The following FAAH2 variants were observed in gnomAD, a reference collection of about 807,000 sequenced individuals.
FAAH2 encodes fatty-acid amide hydrolase 2.
In FAAH2, 60 loss-of-function variants were observed where a neutral mutation model predicts 36.9. The ratio of observed to expected loss-of-function variants is 1.63; its 90% CI spans 1.32 to 2.02. The LOEUF (loss-of-function observed/expected upper bound fraction) is 2.02. FAAH2 is among the 30% of genes most tolerant of loss of function. FAAH2 has a pLI of 0.00. For synonymous variants in FAAH2, 214 were observed against 143.8 expected (o/e 1.49, Z -3.49); for missense variants, 689 against 397.5 (o/e 1.73, Z -6.23).
chrX:57,258,630 A>G, the FAAH2 span, among the ~76,000 whole-genome samples: 1 of 111,134 alleles, frequency 9.0e-6, no homozygotes, highest in Non-Finnish European at 1.9e-5. Flanking sequence ...TTTAAAAATG[A>G]CCAAAAAACC....
At chrX:57,395,467 G>A in intron 7 of FAAH2, 2 of 502,341 alleles carry the variant, frequency 4.0e-6, no homozygotes, top group Non-Finnish European at 3.4e-6. Flanking sequence ...TCAGTTCTTA[G>A]GAGGAATGCT....
intron 5 of FAAH2, among the ~76,000 whole-genome samples, chrX:57,373,796 A>T (rs2147188692): frequency 9.0e-6 from 1 of 111,454 alleles, no homozygotes; most frequent in South Asian, 3.7e-4. Flanking sequence ...TCATTGCTTC[A>T]GCCAATGTCT....
At chrX:57,335,495 G>A (rs1219244542) in intron 4 of FAAH2, among the ~76,000 whole-genome samples, 1 of 112,686 alleles carries the variant, frequency 8.9e-6, no homozygotes, top group African/African-American at 3.2e-5. Context: ...ACATCTCAAC[G>A]CCTTAAAGAG....
chrX:57,478,964 A>G (rs374377550), intron 10 of FAAH2, among the ~76,000 whole-genome samples: 1 of 111,418 alleles, frequency 9.0e-6, no homozygotes, highest in African/African-American at 3.3e-5. Context: ...TTGACTTGGC[A>G]ATGTGGGCTC....
chrX:57,470,131 C>T (rs1046771635), intron 10 of FAAH2, among the ~76,000 whole-genome samples: 4 of 111,088 alleles, frequency 3.6e-5, no homozygotes, highest in Non-Finnish European at 5.7e-5. Flanking sequence ...GCACTAAATG[C>T]CCACAAGAGA....
chrX:57,473,128 T>C (rs1175526681), intron 10 of FAAH2, among the ~76,000 whole-genome samples: 1 of 111,478 alleles, frequency 9.0e-6, no homozygotes, highest in Non-Finnish European at 1.9e-5. Context: ...ATTAGTTTGT[T>C]AATTTTAGAG....
chrX:57,325,541 T>C (rs1053908305), intron 3 of FAAH2, among the ~76,000 whole-genome samples: 1 of 110,240 alleles, frequency 9.1e-6, no homozygotes, highest in African/African-American at 3.3e-5. Flanking sequence ...TATTCAGAGA[T>C]TGAACTTCTT....
chrX:57,234,806 G>T, the FAAH2 span, among the ~76,000 whole-genome samples: 1 of 111,863 alleles, frequency 8.9e-6, no homozygotes, highest in Non-Finnish European at 1.9e-5. Context: ...CCAGCATTTG[G>T]GAGGCTGAGG....
At chrX:57,128,992 A>G in the FAAH2 span, among the ~76,000 whole-genome samples, 1 of 112,349 alleles carries the variant, frequency 8.9e-6, no homozygotes, top group South Asian at 3.7e-4. Context: ...ATGAGAAGCA[A>G]CCAGTTATGA....
chrX:57,356,825 A>G (rs1464869198), intron 5 of FAAH2, among the ~76,000 whole-genome samples: 1 of 110,871 alleles, frequency 9.0e-6, no homozygotes, highest in African/African-American at 3.3e-5. Flanking sequence ...GTTCTGGGAT[A>G]CATGTGGAGA....
At chrX:57,454,718 C>A (rs1321774146) in intron 10 of FAAH2, among the ~76,000 whole-genome samples, 1 of 111,228 alleles carries the variant, frequency 9.0e-6, no homozygotes, top group Non-Finnish European at 1.9e-5. Context: ...AGCTGGAAGA[C>A]CAGCTTATAC....
the FAAH2 span, among the ~76,000 whole-genome samples, chrX:57,161,829 G>T: frequency 8.9e-6 from 1 of 111,740 alleles, no homozygotes; most frequent in African/African-American, 3.3e-5. Flanking sequence ...GCCAGTCTGT[G>T]TCTTTTAAAT....
At chrX:57,238,569 A>G in the FAAH2 span, among the ~76,000 whole-genome samples, 4 of 111,323 alleles carry the variant, frequency 3.6e-5, no homozygotes, top group East Asian at 1.1e-3. Context: ...TTGTAAAACA[A>G]ACCCCCATGA....
the FAAH2 span, among the ~76,000 whole-genome samples, chrX:57,161,918 T>G: frequency 8.9e-6 from 1 of 111,833 alleles, no homozygotes; most frequent in South Asian, 3.7e-4. Context: ...GTTAGCTGGT[T>G]ATTTTGCTCA....
At chrX:57,293,426 CTTT>C (rs1221314456) in intron 2 of FAAH2, among the ~76,000 whole-genome samples, 2 of 111,709 alleles carry the variant, frequency 1.8e-5, no homozygotes, top group African/African-American at 6.5e-5. Flanking sequence ...ATAATAGATA[CTTT>C]ATACATGTTT....
At chrX:57,231,077 G>A in the FAAH2 span, among the ~76,000 whole-genome samples, 60 of 109,866 alleles carry the variant, frequency 5.5e-4, no homozygotes, top group African/African-American at 1.9e-3. Context: ...GAGTGTGTGT[G>A]TGTTTCTATG....
chrX:57,269,402 CA>C, the FAAH2 span, among the ~76,000 whole-genome samples: 1 of 111,001 alleles, frequency 9.0e-6, no homozygotes, highest in Non-Finnish European at 1.9e-5. Flanking sequence ...AACTCTCCAC[CA>C]AAAAAATAAC....
rs987154755 is a variant in FAAH2 at position 57,358,618 on chromosome X, A to G, written c.742+17228A>G. On this transcript the variant is annotated intron_variant, in intron 5 of 10. Coordinates refer to ENST00000374900, the MANE Select transcript of FAAH2 (RefSeq NM_174912.4). ...TCTCAACCTGTTCATCTGTTGATGGACATTTAGGTTATTCCCACCTCTTGG... is the reference window on the plus strand; with the variant it reads ...TCTCAACCTGTTCATCTGTTGATGGGCATTTAGGTTATTCCCACCTCTTGG... Among the ~76,000 whole-genome samples the G allele has an allele frequency of 2.7e-5, 3 of 111,471 alleles. No homozygotes were observed. The Admixed American group carries it at 2.9e-4, about 11-fold the overall frequency.
At chrX:57,256,465 A>G in the FAAH2 span, among the ~76,000 whole-genome samples, 24 of 111,828 alleles carry the variant, frequency 2.1e-4, no homozygotes, top group East Asian at 6.7e-3. Context: ...CATAGCCAAG[A>G]CAATCTTGGG....
Sources: gnomAD v4.1 joint callset for allele counts (sites outside exome capture counted in the v4.1 genomes callset) on GRCh38, gnomAD v4.1.1 for gene constraint, MANE v1.5 for transcripts, NCBI Gene and HGNC (gene_info 2026-07-23, HGNC 2026-07-21) for gene names.